THSD7B: variants seen among roughly 807,000 people sequenced by gnomAD.
The protein encoded by THSD7B is thrombospondin type-1 domain-containing protein 7B.
THSD7B carries 138 observed loss-of-function variants against 213.6 expected under a neutral mutation model. The observed-to-expected ratio is 0.65, with a 90% CI of 0.56 to 0.74. The LOEUF is 0.74. THSD7B is among the 30% of genes least tolerant of loss of function. THSD7B has a pLI of 0.00. For synonymous variants in THSD7B, 742 were observed against 687.0 expected (o/e 1.08, Z -1.25); for missense variants, 1,931 against 1,991.5 (o/e 0.97, Z 0.58).
At chr2:137,349,914 T>C (rs1442167095) in intron 12 of THSD7B, among the ~76,000 whole-genome samples, 1 of 151,822 alleles carries the variant, frequency 6.6e-6, no homozygotes, top group African/African-American at 2.4e-5. Flanking sequence ...GGTGTGACAA[T>C]TGTTAATCGT....
intron 14 of THSD7B, among the ~76,000 whole-genome samples, chr2:137,412,597 C>CAA (rs748551585): frequency 0.02 from 457 of 23,402 alleles, 50 homozygotes; most frequent in East Asian, 0.044. Context: ...AACTCTGTCT[C>CAA]AAAAAAAAAA....
chr2:137,148,768 A>G (rs771363089), intron 5 of THSD7B, among the ~76,000 whole-genome samples: 1 of 152,152 alleles, frequency 6.6e-6, no homozygotes, highest in African/African-American at 2.4e-5. Context: ...TAGGTTATCT[A>G]GTGGAAGAAA....
intron 12 of THSD7B, among the ~76,000 whole-genome samples, chr2:137,349,977 G>T (rs763989635): frequency 2.3e-4 from 35 of 151,748 alleles, no homozygotes; most frequent in Non-Finnish European, 3.8e-4. Flanking sequence ...ACAGTTTGGG[G>T]CCAGAGACAG....
At chr2:137,069,339 T>G (rs1030831284) in intron 3 of THSD7B, among the ~76,000 whole-genome samples, 1 of 152,074 alleles carries the variant, frequency 6.6e-6, no homozygotes, top group African/African-American at 2.4e-5. Flanking sequence ...TCCTTTTTAT[T>G]TTTTTGGAGT....
chr2:137,368,959 T>C (rs1309541740), intron 12 of THSD7B, among the ~76,000 whole-genome samples: 1 of 152,066 alleles, frequency 6.6e-6, no homozygotes, highest in African/African-American at 2.4e-5. Context: ...GGTTCAACTT[T>C]TCTAAGTAGT....
At chr2:137,494,643 T>A (rs1206731368) in intron 15 of THSD7B, among the ~76,000 whole-genome samples, 1 of 152,154 alleles carries the variant, frequency 6.6e-6, no homozygotes, top group African/African-American at 2.4e-5. Context: ...TACCACACTC[T>A]TACTCTTATT....
At chr2:136,998,261 CAAAAAAAAAA>C (rs33931359) in intron 2 of THSD7B, among the ~76,000 whole-genome samples, 3 of 98,404 alleles carry the variant, frequency 3.0e-5, no homozygotes, top group Non-Finnish European at 6.4e-5. Context: ...ACTAAAAGGC[CAAAAAAAAAA>C]AAAAAAAAAA....
chr2:137,514,327 G>T (rs554124571), intron 15 of THSD7B, among the ~76,000 whole-genome samples: 3 of 152,084 alleles, frequency 2.0e-5, no homozygotes, highest in African/African-American at 7.2e-5. Context: ...AGAATAAAAG[G>T]CAGGCAGAAG....
chr2:136,981,334 T>G (rs1685574055), intron 2 of THSD7B, among the ~76,000 whole-genome samples: 1 of 152,156 alleles, frequency 6.6e-6, no homozygotes, highest in South Asian at 2.1e-4. Context: ...AGCAGAATAT[T>G]GGACAAAAAG....
chr2:137,201,403 T>A (rs953023572), intron 7 of THSD7B, among the ~76,000 whole-genome samples: 3 of 152,172 alleles, frequency 2.0e-5, no homozygotes, highest in African/African-American at 7.2e-5. Context: ...CATATCTCTT[T>A]GACATGTTGA....
chr2:136,896,954 A>AT (rs200821299), intron 2 of THSD7B, among the ~76,000 whole-genome samples: 4,906 of 120,932 alleles, frequency 0.041, 148 homozygotes, highest in Middle Eastern at 0.072. Context: ...ATATATATAT[A>AT]TATTTTTTTA....
intron 2 of THSD7B, among the ~76,000 whole-genome samples, chr2:136,883,265 T>C (rs1683655551): frequency 6.6e-6 from 1 of 151,992 alleles, no homozygotes. Flanking sequence ...CATGGAAATA[T>C]GTATAAAAGT....
At chr2:137,398,765 C>A (rs12618888) in intron 12 of THSD7B, among the ~76,000 whole-genome samples, 1 of 152,096 alleles carries the variant, frequency 6.6e-6, no homozygotes, top group Non-Finnish European at 1.5e-5. Context: ...CCCCCAGCCT[C>A]GCTGCTGCCT....
At chr2:137,584,144 G>A (rs1681655164) in intron 17 of THSD7B, among the ~76,000 whole-genome samples, 3 of 152,082 alleles carry the variant, frequency 2.0e-5, no homozygotes, top group South Asian at 2.1e-4. Context: ...CTGTTCGTCT[G>A]TTATTGCTGT....
At chr2:136,802,569 T>C (rs1221536595) in intron 1 of THSD7B, among the ~76,000 whole-genome samples, 4 of 149,128 alleles carry the variant, frequency 2.7e-5, no homozygotes, top group Non-Finnish European at 3.0e-5. Flanking sequence ...CCTGGTGTTA[T>C]GGTCCTTCAG....
intron 17 of THSD7B, among the ~76,000 whole-genome samples, chr2:137,615,501 G>T (rs925643858): frequency 3.3e-5 from 5 of 152,198 alleles, no homozygotes; most frequent in Non-Finnish European, 5.9e-5. Flanking sequence ...CCTGGGTCAA[G>T]AACATTATAG....
intron 20 of THSD7B, among the ~76,000 whole-genome samples, chr2:137,637,057 C>T (rs779653033): frequency 1.6e-4 from 24 of 152,288 alleles, no homozygotes; most frequent in Non-Finnish European, 2.9e-4. Flanking sequence ...TTAATATGGC[C>T]ACATCCTCCA....
chr2:137,419,144 G>T (rs1686864782), intron 14 of THSD7B, among the ~76,000 whole-genome samples: 1 of 151,776 alleles, frequency 6.6e-6, no homozygotes. Context: ...CTGACCTCAG[G>T]TGATTCACCC....
At chr2:137,233,507 TTG>T (rs1435434257) in intron 9 of THSD7B, among the ~76,000 whole-genome samples, 1 of 152,076 alleles carries the variant, frequency 6.6e-6, no homozygotes, top group Non-Finnish European at 1.5e-5. Context: ...AAATATAGGG[TTG>T]TGTCTTACTC....
Sources: gnomAD v4.1 joint callset for allele counts (sites outside exome capture counted in the v4.1 genomes callset) on GRCh38, gnomAD v4.1.1 for gene constraint, MANE v1.5 for transcripts, NCBI Gene and HGNC (gene_info 2026-07-23, HGNC 2026-07-21) for gene names.